The following GLDN variants were observed in gnomAD, a reference collection of about 807,000 sequenced individuals.
GLDN encodes gliomedin, also known as collomin.
Under a neutral mutation model 56.5 loss-of-function variants are expected in GLDN, and 47 were observed. The observed-to-expected ratio is 0.83, with a 90% CI of 0.66 to 1.06. The LOEUF is 1.06. Ranked by LOEUF, GLDN falls within the 50% of genes least tolerant of loss-of-function variation. The pLI is 0.00. For missense variants in GLDN, 782 were observed against 714.3 expected (o/e 1.09, Z -1.08); for synonymous variants, 332 against 278.8 (o/e 1.19, Z -1.90).
chr15:51,350,406 A>T (rs565367322), intron 1 of GLDN, among the ~76,000 whole-genome samples: 2 of 152,158 alleles, frequency 1.3e-5, no homozygotes, highest in Non-Finnish European at 2.9e-5. Context: ...TTAAAAAAGA[A>T]AGGGTGACCA....
At chr15:51,369,139 A>C (rs1252401963) in intron 1 of GLDN, 1 of 152,184 alleles carries the variant, frequency 6.6e-6, no homozygotes, top group Non-Finnish European at 1.5e-5. Flanking sequence ...GATTCTTCTA[A>C]CATCTGCGAT....
chr15:51,348,289 T>C (rs1040483596), intron 1 of GLDN, among the ~76,000 whole-genome samples: 3 of 152,032 alleles, frequency 2.0e-5, no homozygotes, highest in Non-Finnish European at 4.4e-5. Context: ...CTGATATTTT[T>C]TTCTTTTCTG....
chr15:51,372,450 A>C (rs2037535992), intron 1 of GLDN, among the ~76,000 whole-genome samples: 1 of 152,114 alleles, frequency 6.6e-6, no homozygotes, highest in African/African-American at 2.4e-5. Flanking sequence ...TTCTTCTGGG[A>C]GATAATTCTC....
chr15:51,399,081 A>G (rs2038194996), intron 6 of GLDN, among the ~76,000 whole-genome samples: 1 of 152,148 alleles, frequency 6.6e-6, no homozygotes, highest in Non-Finnish European at 1.5e-5. Flanking sequence ...CTCCTGCTCC[A>G]ACTCCACATC....
At chr15:51,386,672 G>T (rs1351368554) in intron 4 of GLDN, among the ~76,000 whole-genome samples, 1 of 152,252 alleles carries the variant, frequency 6.6e-6, no homozygotes, top group Non-Finnish European at 1.5e-5. Context: ...GAGGCAGGGA[G>T]ACGGCCTCCG....
chr15:51,360,502 A>C (rs1402256063), intron 1 of GLDN: 1 of 152,314 alleles, frequency 6.6e-6, no homozygotes, highest in Non-Finnish European at 1.5e-5. Flanking sequence ...CGGGGCAGGC[A>C]CCAACCCATG....
At chr15:51,378,399 C>T (rs1057442604) in intron 2 of GLDN, among the ~76,000 whole-genome samples, 25 of 152,212 alleles carry the variant, frequency 1.6e-4, no homozygotes, top group African/African-American at 5.3e-4. Context: ...GCTTAAGCAT[C>T]TTTCTTCCAT....
chr15:51,402,236 G>A (rs1441843818), intron 9 of GLDN, among the ~76,000 whole-genome samples: 1 of 152,212 alleles, frequency 6.6e-6, no homozygotes, highest in Non-Finnish European at 1.5e-5. Context: ...CTCCCAGGCC[G>A]CCCTCTGCTC....
chr15:51,358,564 T>C lies in GLDN; in HGVS notation c.363+16517T>C, dbSNP rs1332199798. On this transcript the variant is annotated intron_variant, in intron 1 of 9. Coordinates refer to ENST00000335449, the MANE Select transcript of GLDN (RefSeq NM_181789.4). ...GCTATGTCGGTAAGCACAATTAAAT[T>C]CATTAAGCAGGGTTCCATGGGTGAT... is the stretch of plus-strand genomic sequence containing the variant. 2.0e-5 allele frequency among the ~76,000 whole-genome samples: 3 copies of C among 152,236 alleles called. No individual in the cohort carries two copies. The East Asian group carries it at 5.8e-4, about 29-fold the overall frequency.
chr15:51,411,835 G>T (rs2446407), downstream of GLDN, among the ~76,000 whole-genome samples: 697 of 152,208 alleles, frequency 4.6e-3, 6 homozygotes, highest in African/African-American at 0.016. Context: ...GATCTAACCT[G>T]AAGGACATAG....
chr15:51,393,625 A>G (rs553329603), intron 4 of GLDN, among the ~76,000 whole-genome samples: 63 of 152,148 alleles, frequency 4.1e-4, no homozygotes, highest in African/African-American at 1.5e-3. Flanking sequence ...CTGCTCTTCT[A>G]TCTTGCAAAT....
At chr15:51,412,892 G>A (rs1032736193), downstream of GLDN, among the ~76,000 whole-genome samples, 4 of 152,070 alleles carry the variant, frequency 2.6e-5, no homozygotes, top group East Asian at 3.8e-4. Context: ...TACCGTCTAT[G>A]AGCTTAAAAT....
At chr15:51,346,039 G>T (rs903084712) in intron 1 of GLDN, among the ~76,000 whole-genome samples, 3 of 152,208 alleles carry the variant, frequency 2.0e-5, no homozygotes, top group Non-Finnish European at 4.4e-5. Flanking sequence ...GACCACTCTT[G>T]TAGAACAGAA....
chr15:51,349,742 A>AT (rs11424647), intron 1 of GLDN, among the ~76,000 whole-genome samples: 19,702 of 141,256 alleles, frequency 0.14, 2,203 homozygotes, highest in African/African-American at 0.32. Flanking sequence ...ACTAGGGCTG[A>AT]TTTTTTTTTT....
chr15:51,390,910 C>T (rs997629823), intron 4 of GLDN, among the ~76,000 whole-genome samples: 6 of 152,290 alleles, frequency 3.9e-5, no homozygotes, highest in African/African-American at 9.6e-5. Context: ...TCACTGTGCA[C>T]GGCTAGCATC....
intron 1 of GLDN, among the ~76,000 whole-genome samples, chr15:51,374,524 G>A (rs1485989598): frequency 6.6e-6 from 1 of 152,142 alleles, no homozygotes; most frequent in African/African-American, 2.4e-5. Flanking sequence ...CAAGCTGTGT[G>A]ATTTTGAGTA....
chr15:51,410,732 A>C (rs2038456256), downstream of GLDN, among the ~76,000 whole-genome samples: 1 of 152,258 alleles, frequency 6.6e-6, no homozygotes. Flanking sequence ...CAGAAAAATT[A>C]TAGTAAAAAT....
intron 1 of GLDN, among the ~76,000 whole-genome samples, chr15:51,350,573 CAATT>C (rs2037057741): frequency 6.6e-6 from 1 of 152,084 alleles, no homozygotes; most frequent in South Asian, 2.1e-4. Flanking sequence ...CTCTAGGTAT[CAATT>C]AAGGTTTGGG....
chr15:51,411,078 G>T (rs2038459916), downstream of GLDN, among the ~76,000 whole-genome samples: 1 of 152,204 alleles, frequency 6.6e-6, no homozygotes, highest in African/African-American at 2.4e-5. Context: ...TGAGATTTGG[G>T]CGAAATAGGG....
Sources: allele counts gnomAD v4.1 joint callset (sites outside exome capture counted in the v4.1 genomes callset), GRCh38; gene constraint gnomAD v4.1.1; transcripts MANE v1.5; gene names NCBI Gene and HGNC (gene_info 2026-07-23, HGNC 2026-07-21).